The following ALOX5AP variants were observed in gnomAD, a reference collection of about 807,000 sequenced individuals.
ALOX5AP encodes the protein arachidonate 5-lipoxygenase activating protein.
A neutral mutation model predicts 18.5 loss-of-function variants in ALOX5AP; 9 were observed. That is an observed-to-expected ratio of 0.49 (90% CI 0.29 to 0.85). ALOX5AP has a LOEUF of 0.85. ALOX5AP is among the 40% of genes least tolerant of loss of function. The probability of loss-of-function intolerance (pLI) is 0.08; values close to 1 mark genes in which losing one functional copy is unlikely to be tolerated. For missense variants in ALOX5AP, 172 were observed against 202.5 expected (o/e 0.85, Z 0.91); for synonymous variants, 81 against 78.6 (o/e 1.03, Z -0.16).
chr13:30,754,937 G>A (rs1160397829), intron 3 of ALOX5AP, among the ~76,000 whole-genome samples: 3 of 152,224 alleles, frequency 2.0e-5, no homozygotes, highest in Non-Finnish European at 4.4e-5. Context: ...CACTGCGGCA[G>A]GTGAAAAGTA....
chr13:30,736,656 T>G (rs1297780934), intron 1 of ALOX5AP, among the ~76,000 whole-genome samples: 2 of 152,224 alleles, frequency 1.3e-5, no homozygotes, highest in African/African-American at 2.4e-5. Context: ...ATGCTGGTGA[T>G]GTAGCCTTCT....
chr13:30,753,248 G>A (rs1240293546), intron 3 of ALOX5AP, among the ~76,000 whole-genome samples: 1 of 152,194 alleles, frequency 6.6e-6, no homozygotes, highest in African/African-American at 2.4e-5. Context: ...ACACCACGTG[G>A]CACTCCTTCT....
At chr13:30,719,965 A>C (rs1951580832) in intron 1 of ALOX5AP, among the ~76,000 whole-genome samples, 1 of 151,846 alleles carries the variant, frequency 6.6e-6, no homozygotes, top group South Asian at 2.1e-4. Flanking sequence ...GGGTTCAAGC[A>C]ATTCTCCTGC....
intron 1 of ALOX5AP, among the ~76,000 whole-genome samples, chr13:30,726,186 G>A (rs1391625508): frequency 2.0e-5 from 3 of 152,204 alleles, no homozygotes; most frequent in Non-Finnish European, 4.4e-5. Context: ...ACTGACAGCT[G>A]AGTTTGCCAT....
chr13:30,742,328 A>C (rs564293116), intron 1 of ALOX5AP: 3 of 152,282 alleles, frequency 2.0e-5, no homozygotes, highest in African/African-American at 4.8e-5. Flanking sequence ...AAAAAAAAAA[A>C]CAAAAACCTG....
intron 2 of ALOX5AP, among the ~76,000 whole-genome samples, chr13:30,746,359 G>A (rs575368419): frequency 2.0e-5 from 3 of 152,342 alleles, no homozygotes; most frequent in South Asian, 2.1e-4. Flanking sequence ...GGATGAGGGA[G>A]GGGAGAGATA....
chr13:30,741,562 C>A (rs1593436760), intron 1 of ALOX5AP, among the ~76,000 whole-genome samples: 1 of 103,024 alleles, frequency 9.7e-6, no homozygotes, highest in Middle Eastern at 4.6e-3. Context: ...CCCCACCCCC[C>A]AACAACTGGC....
intron 1 of ALOX5AP, among the ~76,000 whole-genome samples, chr13:30,716,627 C>G (rs544811557): frequency 6.6e-6 from 1 of 152,326 alleles, no homozygotes; most frequent in African/African-American, 2.4e-5. Context: ...GAGCCATCCT[C>G]CCTTGTATAG....
At chr13:30,740,845 G>A (rs944965217) in intron 1 of ALOX5AP, among the ~76,000 whole-genome samples, 3 of 152,196 alleles carry the variant, frequency 2.0e-5, no homozygotes, top group African/African-American at 7.2e-5. Flanking sequence ...ATCACAGTTA[G>A]AGGATGCAGC....
chr13:30,715,911 C>G (rs772686527), intron 1 of ALOX5AP, among the ~76,000 whole-genome samples: 1 of 152,206 alleles, frequency 6.6e-6, no homozygotes, highest in Non-Finnish European at 1.5e-5. Flanking sequence ...AATATCAGCA[C>G]TTAATGGCCT....
chr13:30,729,858 G>A (rs1345927887), intron 1 of ALOX5AP, among the ~76,000 whole-genome samples: 1 of 152,212 alleles, frequency 6.6e-6, no homozygotes, highest in Admixed American at 6.5e-5. Context: ...TTATAGGCAT[G>A]AGCCACCGTG....
At chr13:30,729,085 T>C (rs940861623) in intron 1 of ALOX5AP, among the ~76,000 whole-genome samples, 4 of 152,330 alleles carry the variant, frequency 2.6e-5, no homozygotes, top group South Asian at 2.1e-4. Flanking sequence ...ATGTATATCT[T>C]CTTTAGCAAA....
chr13:30,715,984 C>A (rs941240457), intron 1 of ALOX5AP, among the ~76,000 whole-genome samples: 1 of 152,168 alleles, frequency 6.6e-6, no homozygotes, highest in Non-Finnish European at 1.5e-5. Flanking sequence ...CCATTGAGCC[C>A]GGGCTCCCCT....
chr13:30,714,772 G>A (rs1464818946), intron 1 of ALOX5AP, among the ~76,000 whole-genome samples: 2 of 152,194 alleles, frequency 1.3e-5, no homozygotes, highest in African/African-American at 2.4e-5. Flanking sequence ...AGCTTACGCC[G>A]TCACACCCTG....
chr13:30,735,392 TG>T, upstream of ALOX5AP: 1 of 1,005,988 alleles, frequency 9.9e-7, no homozygotes, highest in Non-Finnish European at 1.4e-6. Context: ...CTTCTCCTGG[TG>T]GGACACACTG....
intron 1 of ALOX5AP, among the ~76,000 whole-genome samples, chr13:30,723,438 C>G (rs1253018122): frequency 6.6e-6 from 1 of 152,118 alleles, no homozygotes; most frequent in Admixed American, 6.5e-5. Context: ...GATGAATGGT[C>G]CTATTACTTA....
chr13:30,757,206 A>G (rs938123179), intron 4 of ALOX5AP, among the ~76,000 whole-genome samples: 1 of 152,110 alleles, frequency 6.6e-6, no homozygotes, highest in African/African-American at 2.4e-5. Context: ...CTATGATTAG[A>G]TAGCATCCTT....
rs146103215 is a variant in ALOX5AP at position 30,719,185 on chromosome 13, G to A, written c.116+5344G>A. 2.7e-4 allele frequency among the ~76,000 whole-genome samples: 41 copies of A among 152,276 alleles called. 1 individual carries two copies. The highest frequency in any genetic ancestry group is 5.0e-4 in the Non-Finnish European group (34 of 68,004). Reference sequence around the variant, plus strand: ...TCTATGGCATGGTGACAATAATGGAGGTTGATTTAAAGTCCTTTGTAAGAA... The same window carrying A: ...TCTATGGCATGGTGACAATAATGGAAGTTGATTTAAAGTCCTTTGTAAGAA... On this transcript the variant is annotated intron_variant, in intron 1 of 5. Transcript: ENST00000617770.
upstream of ALOX5AP, among the ~76,000 whole-genome samples, chr13:30,732,203 C>T (rs1207136374): frequency 2.0e-5 from 3 of 152,206 alleles, no homozygotes; most frequent in African/African-American, 7.2e-5. Context: ...GCCTTTCGAC[C>T]TTCTAAAGCG....
Sources: gnomAD v4.1 joint callset for allele counts (sites outside exome capture counted in the v4.1 genomes callset) on GRCh38, gnomAD v4.1.1 for gene constraint, MANE v1.5 for transcripts, NCBI Gene and HGNC (gene_info 2026-07-23, HGNC 2026-07-21) for gene names.